Variants in ABCA5 observed in about 807,000 individuals in gnomAD.
ABCA5 encodes ATP binding cassette subfamily A member 5, also known as cholesterol transporter ABCA5.
A neutral mutation model predicts 206.0 loss-of-function variants in ABCA5; 163 were observed. The ratio of observed to expected loss-of-function variants is 0.79; its 90% confidence interval spans 0.70 to 0.90. ABCA5 has a LOEUF of 0.90. ABCA5 is among the 40% of genes least tolerant of loss of function. The pLI, the probability that ABCA5 is intolerant of heterozygous loss-of-function variation, is 0.00. For missense variants in ABCA5, 1,859 were observed against 1,912.9 expected (o/e 0.97, Z 0.53); for synonymous variants, 609 against 613.8 (o/e 0.99, Z 0.11).
rs2074952505 is a variant in ABCA5, at chr17:69,246,451, T to A, written c.*1086A>T. On this transcript the variant is annotated 3_prime_UTR_variant, in exon 39 of 39. Transcript: ENST00000392676. ...AAAATATTAGCCATGCCTTTAACTCTATCAAAAATGAAATTCTGGTTCTTA... is the reference window on the plus strand; with the variant it reads ...AAAATATTAGCCATGCCTTTAACTCAATCAAAAATGAAATTCTGGTTCTTA... 1 of 151,970 alleles carries A rather than the reference T, an allele frequency of 6.6e-6. No individual in the cohort carries two copies. The highest frequency in any genetic ancestry group is 6.6e-5 in the Admixed American group (1 of 15,262). 9.4% of individuals were successfully genotyped at this position (151,970 alleles called of 1,614,324 possible).
chr17:69,294,623 A>G lies in ABCA5; in HGVS notation c.1495+32T>C, dbSNP rs184565260. 6.0e-4 allele frequency: 937 copies of G among 1,549,890 alleles called. 15 individuals are homozygous for G. In the Admixed American group the frequency reaches 0.016, roughly 27 times the overall value. On this transcript the variant is annotated intron_variant, in intron 11 of 38. Transcript: ENST00000392676. ...TTATTTTTCTAGTTGTACTTTAAAT[A>G]CTATGGCCTGAATACTAGGAAAACT... is the stretch of plus-strand genomic sequence containing the variant.
chr17:69,295,676 G>C (rs1046060737), intron 10 of ABCA5, among the ~76,000 whole-genome samples: 2 of 152,108 alleles, frequency 1.3e-5, no homozygotes, highest in African/African-American at 4.8e-5. Context: ...TGTACATTAA[G>C]CTTTGATAAA....
Position 69,293,868 on chromosome 17 carries a change from GTGTGCGTGTGTGTGTGTT to G in ABCA5, c.1495+769_1495+786del, listed in dbSNP as rs1307256169. Among the ~76,000 whole-genome samples, 661 of 86,268 alleles carry G rather than the reference GTGTGCGTGTGTGTGTGTT, an allele frequency of 7.7e-3. 3 individuals are homozygous for G. Among genetic ancestry groups the G allele is most frequent in the East Asian group, 0.017 (54 of 3,188 alleles). The allele number at this position is 86,268 out of a possible 152,430, so 56.6% of individuals were successfully genotyped here. A position where few individuals can be genotyped will look rare whatever the true frequency, so the allele number is the denominator to read the frequency against. On this transcript the variant is annotated intron_variant, in intron 11 of 38. Transcript: ENST00000392676. ...TGTGTGTGTGTGTGTGTGTGTGTGT[GTGTGCGTGTGTGTGTGTT>G]TGTGTGTGTGTGTATTCTATTGGTT...
intron 37 of ABCA5, 159 bp from the exon 38 acceptor site, chr17:69,248,476 T>C: frequency 1.9e-6 from 1 of 517,396 alleles, no homozygotes; most frequent in South Asian, 2.5e-5. Flanking sequence ...TTCCTTTCTC[T>C]TCCCCACACC....
chr17:69,299,243 G>C (rs2075623952), intron 9 of ABCA5, among the ~76,000 whole-genome samples: 1 of 152,128 alleles, frequency 6.6e-6, no homozygotes, highest in East Asian at 1.9e-4. Flanking sequence ...AGCCACTATG[G>C]AAAGCAGTGT....
intron 34 of ABCA5, among the ~76,000 whole-genome samples, chr17:69,253,054 G>A (rs1263804492): frequency 6.6e-6 from 1 of 152,032 alleles, no homozygotes; most frequent in Non-Finnish European, 1.5e-5. Flanking sequence ...ATGCTCTACA[G>A]ATTTATAGCC....
rs118144988 is a variant in ABCA5 at position 69,295,241 on chromosome 17, T to C, written c.1437-528A>G. On this transcript the variant is annotated intron_variant, in intron 10 of 38. Coordinates refer to ENST00000392676, the MANE Select transcript of ABCA5 (RefSeq NM_172232.4). ...AACCGCACCCACAGACCTCAATCTA[T>C]GGTACATACAAGCAATTCAACTTTT... Among the ~76,000 whole-genome samples the C allele has an allele frequency of 2.2e-3, 339 of 152,320 alleles. 1 individual carries two copies. Among genetic ancestry groups the C allele is most frequent in the South Asian group, 6.8e-3 (33 of 4,828 alleles).
chr17:69,277,348 G>A (rs1394560206), intron 19 of ABCA5, among the ~76,000 whole-genome samples: 2 of 152,066 alleles, frequency 1.3e-5, no homozygotes, highest in Non-Finnish European at 2.9e-5. Context: ...GCTCCCAGGT[G>A]AAAGAAAGAA....
Position 69,313,265 on chromosome 17 carries a change from C to G in ABCA5, c.134G>C (p.Trp45Ser). The G allele has an allele frequency of 2.8e-6, 4 of 1,431,990 alleles. No homozygotes were observed. Among genetic ancestry groups the G allele is most frequent in the Non-Finnish European group, 2.9e-6 (3 of 1,039,508 alleles). 88.7% of individuals were successfully genotyped at this position (1,431,990 alleles called of 1,614,324 possible). A position where few individuals can be genotyped will look rare whatever the true frequency, so the allele number is the denominator to read the frequency against. Reference protein sequence around the residue: ...EILFPLFFLFWLILISMMHPN... With the variant: ...EILFPLFFLFSLILISMMHPN... ...ATGCATCATGCTAATTAATATTAACCAAAATAAAAAAAATAGTGGAAAAAG... is the reference window on the plus strand; with the variant it reads ...ATGCATCATGCTAATTAATATTAACGAAAATAAAAAAAATAGTGGAAAAAG... The change falls in exon 3 of 39, where the codon TGG becomes TCG. Residue 45 changes from tryptophan (W) to serine (S), a missense_variant. By Grantham distance (177) the Trp-to-Ser change is radical (BLOSUM62 -3). Coordinates refer to ENST00000392676, the MANE Select transcript of ABCA5 (RefSeq NM_172232.4).
intron 18 of ABCA5, among the ~76,000 whole-genome samples, chr17:69,282,430 G>T (rs115503434): frequency 6.6e-6 from 1 of 152,022 alleles, no homozygotes; most frequent in Non-Finnish European, 1.5e-5. Flanking sequence ...ATCTTCAGCC[G>T]TAACATCTTC....
intron 3 of ABCA5, 121 bp downstream of exon 3, chr17:69,312,971 T>G: frequency 2.0e-6 from 1 of 499,596 alleles, no homozygotes; most frequent in Middle Eastern, 5.6e-4. Flanking sequence ...TTTATAAAAC[T>G]GACTTTGGTG....
In ABCA5 at chr17:69,308,377, G is replaced by C. The variant is rs769675332; in HGVS notation, c.470-9C>G. On this transcript the variant is annotated splice_polypyrimidine_tract_variant and intron_variant, in intron 4 of 38. Coordinates refer to ENST00000392676, the MANE Select transcript of ABCA5 (RefSeq NM_172232.4). ...TGATTTTGAACAGCCAGCTATGGGG[G>C]GAAGAATATGAGATCTAAGATTCTG... 3.1e-6 allele frequency: 5 copies of C among 1,592,926 alleles called. No individual in the cohort carries two copies. In the African/African-American group the frequency reaches 6.7e-5, roughly 21 times the overall value.
In ABCA5 at chr17:69,267,997, G is replaced by T; in HGVS notation, c.3090C>A (p.Ile1030=). 6.2e-7 allele frequency: 1 copy of T among 1,612,108 alleles called. No individual in the cohort carries two copies. The highest frequency in any genetic ancestry group is 2.2e-5 in the East Asian group (1 of 44,720). ...ELYFQAALLG[I]IVTAMPPYFA... is the part of the protein sequence containing the mutation. Reference sequence around the variant, plus strand: ...AGTAAGGTGGCATTGCAGTAACAATGATTCCAAGCAAAGCTGCTTGAAAAT... The same window carrying T: ...AGTAAGGTGGCATTGCAGTAACAATTATTCCAAGCAAAGCTGCTTGAAAAT... The change falls in exon 23 of 39, where the codon ATC becomes ATA. Residue 1030 remains isoleucine (I), a synonymous_variant. Transcript: ENST00000392676.
At position 69,308,377 on chromosome 17, in the gene ABCA5, G is replaced by A; in HGVS notation, c.470-9C>T. ...TGATTTTGAACAGCCAGCTATGGGG[G>A]GAAGAATATGAGATCTAAGATTCTG... On this transcript the variant is annotated splice_polypyrimidine_tract_variant and intron_variant, in intron 4 of 38. Transcript: ENST00000392676. 5 of 1,593,042 alleles carry A rather than the reference G, an allele frequency of 3.1e-6. No individual in the cohort carries two copies. The highest frequency in any genetic ancestry group is 4.3e-6 in the Non-Finnish European group (5 of 1,162,204).
chr17:69,271,357 A>G (rs1473754464), intron 20 of ABCA5, 68 bp from the exon 21 acceptor site: 3 of 1,438,416 alleles, frequency 2.1e-6, no homozygotes, highest in Admixed American at 2.3e-5. Context: ...CACTGGGAAG[A>G]TAATTCTATT....
intron 10 of ABCA5, among the ~76,000 whole-genome samples, chr17:69,296,579 TATC>T (rs2075585508): frequency 6.6e-6 from 1 of 152,250 alleles, no homozygotes; most frequent in Non-Finnish European, 1.5e-5. Flanking sequence ...AGTTAATATT[TATC>T]ATGTTTCAGT....
At position 69,285,962 on chromosome 17, in the gene ABCA5, T is replaced by C. The variant is rs771467224; in HGVS notation, c.2208A>G (p.Leu736=). Residue 736 remains leucine (L), a synonymous_variant, in exon 17 of 39, where the codon TTA becomes TTG. Transcript: ENST00000392676. ...CAAGTTGTTGGTCATTCTGTTGTAA[T>C]AAAGTAGCTCCAGGTATATGTTGTT... The part of the protein sequence containing the change: ...LVKQHIPGAT[L]LQQNDQQLVY... 4.5e-5 allele frequency: 73 copies of C among 1,613,186 alleles called. No individual in the cohort carries two copies. Among genetic ancestry groups the C allele is most frequent in the Middle Eastern group, 1.6e-4 (1 of 6,076 alleles).
At position 69,277,858 on chromosome 17, in the gene ABCA5, A is replaced by C; in HGVS notation, c.2393-16T>G. On this transcript the variant is annotated splice_polypyrimidine_tract_variant and intron_variant, in intron 18 of 38. Coordinates refer to ENST00000392676, the MANE Select transcript of ABCA5 (RefSeq NM_172232.4). Reference sequence around the variant, plus strand: ...ACACTATAATCTATTTGCCAAAACAAAACAAACATTTCAGTATGTTCATTA... The same window carrying C: ...ACACTATAATCTATTTGCCAAAACACAACAAACATTTCAGTATGTTCATTA... 5.4e-6 allele frequency: 8 copies of C among 1,480,694 alleles called. No homozygotes were observed. The highest frequency in any genetic ancestry group is 6.3e-6 in the Non-Finnish European group (7 of 1,112,042). 91.7% of individuals were successfully genotyped at this position (1,480,694 alleles called of 1,614,324 possible).
chr17:69,309,848 C>A (rs997152674), intron 3 of ABCA5, among the ~76,000 whole-genome samples: 2 of 151,754 alleles, frequency 1.3e-5, no homozygotes, highest in Admixed American at 6.6e-5. Flanking sequence ...TCAAAAAAAA[C>A]AAACAAACAA....
Sources: gnomAD v4.1 joint callset for allele counts (sites outside exome capture counted in the v4.1 genomes callset) on GRCh38, gnomAD v4.1.1 for gene constraint, MANE v1.5 for transcripts, NCBI Gene and HGNC (gene_info 2026-07-23, HGNC 2026-07-21) for gene names.